Variants in ADCK2 observed in about 807,000 individuals in gnomAD.
The protein encoded by ADCK2 is uncharacterized aarF domain-containing protein kinase 2.
A neutral mutation model predicts 52.3 loss-of-function variants in ADCK2; 37 were observed. The ratio of observed to expected loss-of-function variants is 0.71; its 90% CI spans 0.54 to 0.93. ADCK2 has a LOEUF of 0.93. ADCK2 is among the 40% of genes least tolerant of loss of function. The probability of loss-of-function intolerance (pLI) is 0.00; values close to 1 mark genes in which losing one functional copy is unlikely to be tolerated. For missense variants in ADCK2, 695 were observed against 798.7 expected (o/e 0.87, Z 1.56); for synonymous variants, 321 against 349.2 (o/e 0.92, Z 0.90).
At position 140,694,899 on chromosome 7, in the gene ADCK2, A is replaced by T; in HGVS notation, c.*96A>T. On this transcript the variant is annotated 3_prime_UTR_variant, in exon 8 of 8. Transcript: ENST00000072869. ...TGGGACGTTTTAAAATTGGGACACC[A>T]ATTTCAAATGTAACCCTCCAGTGGT... The T allele has an allele frequency of 6.7e-7, 1 of 1,484,972 alleles. No individual in the cohort carries two copies. Among genetic ancestry groups the T allele is most frequent in the Non-Finnish European group, 8.9e-7 (1 of 1,123,132 alleles). 92.0% of individuals were successfully genotyped at this position (1,484,972 alleles called of 1,614,324 possible).
At chr7:140,679,405 G>A (rs1210535478) in intron 3 of ADCK2, 122 bp downstream of exon 3, 2 of 1,431,214 alleles carry the variant, frequency 1.4e-6, no homozygotes, top group Non-Finnish European at 1.9e-6. Context: ...AAAACTGTGA[G>A]GAGCTGGGAT....
intron 7 of ADCK2, 74 bp from the exon 8 acceptor site, chr7:140,694,589 C>T (rs1794763492): frequency 1.4e-6 from 2 of 1,449,174 alleles, no homozygotes; most frequent in Admixed American, 1.8e-5. Context: ...GAGTGGACAG[C>T]AAGGTGATTA....
At chr7:140,685,700 G>C (rs1794594343) in intron 4 of ADCK2, among the ~76,000 whole-genome samples, 1 of 152,146 alleles carries the variant, frequency 6.6e-6, no homozygotes, top group African/African-American at 2.4e-5. Flanking sequence ...TGGATTTACA[G>C]GGAAGAGGGG....
At chr7:140,676,508 C>T (rs1458091452) in intron 2 of ADCK2, among the ~76,000 whole-genome samples, 1 of 152,212 alleles carries the variant, frequency 6.6e-6, no homozygotes, top group African/African-American at 2.4e-5. Flanking sequence ...TTCAGTTCCC[C>T]TTGCGGAAGT....
intron 5 of ADCK2, among the ~76,000 whole-genome samples, chr7:140,688,100 C>T (rs1794639249): frequency 6.6e-6 from 1 of 151,160 alleles, no homozygotes; most frequent in South Asian, 2.1e-4. Context: ...GCTGGAGTGC[C>T]TTGGCGTGAT....
rs762796593 is a variant in ADCK2 at position 140,694,646 on chromosome 7, C to T, written c.1741-17C>T. The T allele has an allele frequency of 4.3e-6, 7 of 1,611,736 alleles. No homozygotes were observed. The highest frequency in any genetic ancestry group is 3.3e-5 in the South Asian group (3 of 90,788). ...TCAGCATGTTCTGAGATGAACTGTT[C>T]TGTTTTTCTGTTCCAGGTAAAGCTT... On this transcript the variant is annotated splice_polypyrimidine_tract_variant and intron_variant, in intron 7 of 7. Coordinates refer to ENST00000072869, the MANE Select transcript of ADCK2 (RefSeq NM_052853.4).
chr7:140,682,717 C>T (rs1794536106), intron 4 of ADCK2, among the ~76,000 whole-genome samples: 1 of 150,746 alleles, frequency 6.6e-6, no homozygotes, highest in Non-Finnish European at 1.5e-5. Flanking sequence ...TGGCTGGGTG[C>T]AGTGGCTCAC....
rs1204265645 is a variant in ADCK2, at chr7:140,676,985, C to T, written c.1081-2170C>T. 4.0e-5 allele frequency among the ~76,000 whole-genome samples: 6 copies of T among 151,700 alleles called. No homozygotes were observed. In the East Asian group the frequency reaches 9.7e-4, roughly 24 times the overall value. On this transcript the variant is annotated intron_variant, in intron 2 of 7. Transcript: ENST00000072869. ...TTACAGTGAACCATGATCACACCAC[C>T]GCACTCCAGCCTGGGTGACAGAGTG... is the stretch of plus-strand genomic sequence containing the variant.
Position 140,687,127 on chromosome 7 carries a change from A to G in ADCK2, c.1443A>G (p.Pro481=), listed in dbSNP as rs1475321965. The change falls in exon 5 of 8, where the codon CCA becomes CCG. Residue 481 remains proline, a synonymous_variant. Transcript: ENST00000072869. ...DICDTLVVAV[P]SSLCPLRLVL... Reference sequence around the variant, plus strand: ...GTGACACTCTGGTGGTGGCCGTGCCATCTTCCCTCTGCCCGCTGCGACTGG... The same window carrying G: ...GTGACACTCTGGTGGTGGCCGTGCCGTCTTCCCTCTGCCCGCTGCGACTGG... The G allele has an allele frequency of 6.2e-7, 1 of 1,613,702 alleles. No homozygotes were observed. The highest frequency in any genetic ancestry group is 1.1e-5 in the South Asian group (1 of 91,054).
At chr7:140,679,967 C>T (rs1585845765) in intron 3 of ADCK2, among the ~76,000 whole-genome samples, 1 of 152,098 alleles carries the variant, frequency 6.6e-6, no homozygotes, top group East Asian at 1.9e-4. Context: ...AGCCACTGCA[C>T]CCAGCCCAGC....
chr7:140,680,365 C>A (rs1794495814), intron 3 of ADCK2, among the ~76,000 whole-genome samples: 1 of 152,006 alleles, frequency 6.6e-6, no homozygotes, highest in South Asian at 2.1e-4. Context: ...GTTGCCCAGG[C>A]TGGTCTCAAA....
chr7:140,686,989 G>T lies in ADCK2; in HGVS notation c.1306-1G>T, dbSNP rs1794614080. The T allele has an allele frequency of 1.2e-6, 2 of 1,611,720 alleles. No homozygotes were observed. The highest frequency in any genetic ancestry group is 1.3e-5 in the African/African-American group (1 of 74,872). ...TCATGAGCATTGTGATCTCCTTCCA[G>T]ATATTTGTGGATAACTTTGTCCATG... On this transcript the variant is annotated splice_acceptor_variant, in intron 4 of 7. Coordinates refer to ENST00000072869, the MANE Select transcript of ADCK2 (RefSeq NM_052853.4). LOFTEE classifies it high-confidence loss of function.
chr7:140,691,539 C>A (rs1340619305), intron 7 of ADCK2, among the ~76,000 whole-genome samples: 1 of 152,158 alleles, frequency 6.6e-6, no homozygotes, highest in African/African-American at 2.4e-5. Flanking sequence ...AGCGGGACTG[C>A]TGTGGCCCCT....
Position 140,673,613 on chromosome 7 carries a change from C to T in ADCK2, c.283C>T (p.Leu95=). ...PRAGPLGGVF[L]HLRLWLRAGA... is the part of the protein sequence containing the mutation. ...AGCGGGACCTCTGGGCGGCGTCTTC[C>T]TGCATCTCCGCCTCTGGCTTCGCGC... Residue 95 remains leucine, a synonymous_variant, in exon 1 of 8, where the codon CTG becomes TTG. Transcript: ENST00000072869. The surrounding 1 kb of genome is among the most constrained non-coding windows in gnomAD (Gnocchi z 6.4). 6.2e-7 allele frequency: 1 copy of T among 1,608,850 alleles called. No individual in the cohort carries two copies. The highest frequency in any genetic ancestry group is 8.5e-7 in the Non-Finnish European group (1 of 1,179,942).
In ADCK2 at chr7:140,689,621, C is replaced by T. The variant is rs1293895875; in HGVS notation, c.1582C>T (p.Leu528=). The change falls in exon 6 of 8, where the codon CTG becomes TTG. Residue 528 remains leucine, a synonymous_variant. Coordinates refer to ENST00000072869, the MANE Select transcript of ADCK2 (RefSeq NM_052853.4). ...GQGQRVAELI[L]HHARASECRD... ...GGGCCAGAGAGTGGCTGAGCTGATC[C>T]TGCATCATGCCCGGGCCAGCGAGTG... is the stretch of plus-strand genomic sequence containing the variant. 4 of 1,610,684 alleles carry T rather than the reference C, an allele frequency of 2.5e-6. No individual in the cohort carries two copies. The East Asian group carries it at 9.0e-5, about 36-fold the overall frequency.
Position 140,674,847 on chromosome 7 carries a change from T to C in ADCK2, c.1080+90T>C. The C allele has an allele frequency of 1.4e-6, 2 of 1,448,890 alleles. No individual in the cohort carries two copies. The highest frequency in any genetic ancestry group is 1.9e-6 in the Non-Finnish European group (2 of 1,072,482). The allele number at this position is 1,448,890 out of a possible 1,614,324, so 89.8% of individuals were successfully genotyped here. ...AGTAAATGTTGAATGAATAATTTTCTGGTATGTCATAACTCATGTGATGTG... is the reference window on the plus strand; with the variant it reads ...AGTAAATGTTGAATGAATAATTTTCCGGTATGTCATAACTCATGTGATGTG... On this transcript the variant is annotated intron_variant, in intron 2 of 7. Transcript: ENST00000072869. This position sits in a 1 kb window ranked among gnomAD's most constrained non-coding sequence, Gnocchi z 4.6.
chr7:140,691,552 C>G (rs1397713846), intron 7 of ADCK2, among the ~76,000 whole-genome samples: 2 of 152,164 alleles, frequency 1.3e-5, no homozygotes, highest in African/African-American at 2.4e-5. Context: ...TGGCCCCTGC[C>G]TGGCTGCTGT....
At chr7:140,692,798 T>C (rs1044722157) in intron 7 of ADCK2, among the ~76,000 whole-genome samples, 5 of 152,396 alleles carry the variant, frequency 3.3e-5, no homozygotes, top group African/African-American at 1.2e-4. Flanking sequence ...TTTAAAAACA[T>C]TTAATGTAGC....
intron 4 of ADCK2, among the ~76,000 whole-genome samples, chr7:140,681,372 C>T (rs994709378): frequency 2.8e-4 from 43 of 151,534 alleles, no homozygotes; most frequent in African/African-American, 9.5e-4. Context: ...GGCTGGAGTG[C>T]GGTGGCGTGA....
Sources: allele counts gnomAD v4.1 joint callset (sites outside exome capture counted in the v4.1 genomes callset), GRCh38; gene constraint gnomAD v4.1.1; non-coding constraint Gnocchi (gnomAD v3.1); transcripts MANE v1.5; gene names NCBI Gene and HGNC (gene_info 2026-07-23, HGNC 2026-07-21).